PEBP4: variants seen among roughly 807,000 people sequenced by gnomAD.
PEBP4 encodes the protein phosphatidylethanolamine-binding protein 4.
Under a neutral mutation model 23.9 loss-of-function variants are expected in PEBP4, and 22 were observed. The observed-to-expected ratio is 0.92, with a 90% CI of 0.66 to 1.31. The LOEUF (loss-of-function observed/expected upper bound fraction) is 1.31. PEBP4 is among the 40% of genes most tolerant of loss of function. PEBP4 has a pLI of 0.00. For synonymous variants in PEBP4, 112 were observed against 99.3 expected, an observed-to-expected ratio of 1.13 and a Z score of -0.76; for missense variants, 324 against 281.7, an observed-to-expected ratio of 1.15 and a Z score of -1.07.
intron 3 of PEBP4, among the ~76,000 whole-genome samples, chr8:22,842,715 G>A (rs182079234): frequency 4.9e-4 from 75 of 152,302 alleles, no homozygotes; most frequent in African/African-American, 1.6e-3. Context: ...CTTCACCTGC[G>A]TGCAGCCTCT....
chr8:22,922,876 C>T (rs1809240534), intron 2 of PEBP4, among the ~76,000 whole-genome samples: 1 of 152,186 alleles, frequency 6.6e-6, no homozygotes, highest in African/African-American at 2.4e-5. Flanking sequence ...CTTGAAGGCA[C>T]TCTAGACAGT....
chr8:22,795,270 G>C (rs1297922289), intron 4 of PEBP4, among the ~76,000 whole-genome samples: 1 of 146,640 alleles, frequency 6.8e-6, no homozygotes. Context: ...CCACCTCCTG[G>C]GTTCAAGCAA....
intron 4 of PEBP4, among the ~76,000 whole-genome samples, chr8:22,813,464 C>T (rs1006685716): frequency 1.3e-5 from 2 of 152,116 alleles, no homozygotes; most frequent in Non-Finnish European, 2.9e-5. Flanking sequence ...TTCCCGTGTT[C>T]AATATCCCCA....
chr8:22,753,562 G>A (rs550480518), intron 4 of PEBP4, among the ~76,000 whole-genome samples: 182 of 152,328 alleles, frequency 1.2e-3, no homozygotes, highest in Non-Finnish European at 2.4e-3. Flanking sequence ...ATGATGCTGG[G>A]AGAACTTCAG....
chr8:22,774,100 A>T (rs1319165168), intron 4 of PEBP4, among the ~76,000 whole-genome samples: 3 of 152,184 alleles, frequency 2.0e-5, no homozygotes, highest in African/African-American at 7.2e-5. Context: ...TCAAACCAGG[A>T]TGGAGGAAAG....
intron 4 of PEBP4, among the ~76,000 whole-genome samples, chr8:22,815,825 G>A (rs1017464980): frequency 9.2e-5 from 14 of 152,186 alleles, no homozygotes; most frequent in Non-Finnish European, 1.9e-4. Context: ...GGTCCCTTCT[G>A]AGTATGGGGG....
At chr8:22,787,751 C>T (rs942741899) in intron 4 of PEBP4, among the ~76,000 whole-genome samples, 1 of 152,128 alleles carries the variant, frequency 6.6e-6, no homozygotes, top group South Asian at 2.1e-4. Context: ...AGTAATTGTG[C>T]GACGGTGCTA....
At chr8:22,926,826 G>A (rs962784399) in intron 2 of PEBP4, among the ~76,000 whole-genome samples, 1 of 152,230 alleles carries the variant, frequency 6.6e-6, no homozygotes, top group African/African-American at 2.4e-5. Flanking sequence ...AGTAGTCAAA[G>A]TTCTTTTTCC....
intron 3 of PEBP4, among the ~76,000 whole-genome samples, chr8:22,841,096 C>A (rs569230677): frequency 2.6e-4 from 39 of 152,390 alleles, no homozygotes; most frequent in African/African-American, 9.4e-4. Context: ...AGCCAACACA[C>A]CAGCTCAGCA....
intron 3 of PEBP4, among the ~76,000 whole-genome samples, chr8:22,830,113 T>TGTGTGTGTGTGTG (rs1807051849): frequency 6.9e-6 from 1 of 144,158 alleles, no homozygotes; most frequent in African/African-American, 2.6e-5. Flanking sequence ...GGCTGTGGTT[T>TGTGTGTGTGTGTG]TGTGTGTGTG....
chr8:22,765,051 C>A (rs1414665427), intron 4 of PEBP4, among the ~76,000 whole-genome samples: 1 of 152,170 alleles, frequency 6.6e-6, no homozygotes, highest in African/African-American at 2.4e-5. Flanking sequence ...CATTCCCTCT[C>A]TCATACCTCT....
intron 4 of PEBP4, among the ~76,000 whole-genome samples, chr8:22,810,669 G>GGC (rs1360400547): frequency 8.5e-5 from 11 of 129,130 alleles, no homozygotes; most frequent in African/African-American, 3.0e-4. Flanking sequence ...CTCATGGAGG[G>GGC]GTGTGTGTGT....
At chr8:22,878,220 G>GGGGGAGAGGGAGGGGGAGAGGGA in intron 3 of PEBP4, 1 of 151,464 alleles carries the variant, frequency 6.6e-6, no homozygotes, top group Non-Finnish European at 1.5e-5. Flanking sequence ...TGGAGAGGGA[G>GGGGGAGAGGGAGGGGGAGAGGGA]GGGGAGAGGG....
intron 3 of PEBP4, among the ~76,000 whole-genome samples, chr8:22,875,164 G>A (rs1282173018): frequency 1.3e-5 from 2 of 151,772 alleles, no homozygotes; most frequent in Non-Finnish European, 2.9e-5. Flanking sequence ...TTTCGCCCCC[G>A]AGACTCAGGT....
chr8:22,772,891 C>T (rs1028547436), intron 4 of PEBP4, among the ~76,000 whole-genome samples: 3 of 152,216 alleles, frequency 2.0e-5, no homozygotes, highest in Non-Finnish European at 4.4e-5. Context: ...GCAGCCTCCA[C>T]CAGAACCCAC....
At position 22,927,660 on chromosome 8, in the gene PEBP4, C is replaced by A. The variant is rs755926565; in HGVS notation, c.55G>T (p.Val19Leu). Residue 19 changes from valine to leucine, a missense_variant, in exon 2 of 7, where the codon GTG (valine) becomes TTG (leucine). Physicochemically the swap from Val to Leu is conservative, Grantham distance 32. Coordinates refer to ENST00000256404, the MANE Select transcript of PEBP4 (RefSeq NM_144962.3). ...TTCTCATCCTCGTCTCCAGTGACCA[C>A]CATCATGAGACCCAGTAACAGTGCT... ...TAALLLGLMM[V>L]VTGDEDENSP... The A allele has an allele frequency of 6.2e-7, 1 of 1,613,846 alleles. No individual in the cohort carries two copies. The highest frequency in any genetic ancestry group is 1.3e-5 in the African/African-American group (1 of 74,932).
intron 3 of PEBP4, among the ~76,000 whole-genome samples, chr8:22,894,878 C>T (rs1808561083): frequency 6.6e-6 from 1 of 152,132 alleles, no homozygotes; most frequent in Non-Finnish European, 1.5e-5. Flanking sequence ...CCCTTTCCAG[C>T]AGAAGCTGCC....
At chr8:22,823,190 T>C (rs1475003426) in intron 3 of PEBP4, among the ~76,000 whole-genome samples, 4 of 152,002 alleles carry the variant, frequency 2.6e-5, no homozygotes, top group Non-Finnish European at 5.9e-5. Flanking sequence ...ATAGTTATAA[T>C]TTAAAATGTT....
At chr8:22,886,030 T>G (rs1808366052) in intron 3 of PEBP4, 1 of 152,236 alleles carries the variant, frequency 6.6e-6, no homozygotes, top group African/African-American at 2.4e-5. Flanking sequence ...ACTCACCTGT[T>G]GATTCATTTA....
Sources: gnomAD v4.1 joint callset for allele counts (sites outside exome capture counted in the v4.1 genomes callset) on GRCh38, gnomAD v4.1.1 for gene constraint, MANE v1.5 for transcripts, NCBI Gene and HGNC (gene_info 2026-07-23, HGNC 2026-07-21) for gene names.